CDH13: variants seen among roughly 807,000 people sequenced by gnomAD.
CDH13 encodes cadherin-13.
A neutral mutation model predicts 63.8 loss-of-function variants in CDH13; 24 were observed. The ratio of observed to expected loss-of-function variants is 0.38; its 90% CI spans 0.27 to 0.53. The LOEUF is 0.53. Ranked by LOEUF, CDH13 falls within the 20% of genes least tolerant of loss-of-function variation. CDH13 has a pLI of 0.85. For synonymous variants in CDH13, 503 were observed against 355.3 expected (o/e 1.42, Z -4.67); for missense variants, 1,049 against 903.1 (o/e 1.16, Z -2.07).
chr16:82,806,857 G>T (rs1328963550), intron 1 of CDH13, among the ~76,000 whole-genome samples: 1 of 152,114 alleles, frequency 6.6e-6, no homozygotes, highest in Admixed American at 6.6e-5. Flanking sequence ...AAACATAACT[G>T]AGAAATACAG....
At chr16:83,281,482 C>A (rs1040153161) in intron 5 of CDH13, among the ~76,000 whole-genome samples, 2 of 152,294 alleles carry the variant, frequency 1.3e-5, no homozygotes, top group East Asian at 3.9e-4. Context: ...CACTTCCTTG[C>A]CATTCATGTG....
chr16:82,944,778 A>AAGAG (rs890695141), intron 2 of CDH13, among the ~76,000 whole-genome samples: 1 of 151,598 alleles, frequency 6.6e-6, no homozygotes, highest in Admixed American at 6.6e-5. Flanking sequence ...GAGAGAGAGA[A>AAGAG]AGAGAGAGAG....
At chr16:83,215,528 A>C (rs1232059842) in intron 4 of CDH13, among the ~76,000 whole-genome samples, 1 of 148,486 alleles carries the variant, frequency 6.7e-6, no homozygotes, top group East Asian at 2.0e-4. Flanking sequence ...TAATGCCTTG[A>C]GTGATCCTGC....
At chr16:82,681,707 G>A (rs1158999643) in intron 1 of CDH13, among the ~76,000 whole-genome samples, 1 of 152,232 alleles carries the variant, frequency 6.6e-6, no homozygotes. Context: ...GCCTGCCTGT[G>A]TTTCTCTGCC....
chr16:83,779,161 C>T (rs1453637397), intron 11 of CDH13, among the ~76,000 whole-genome samples: 2 of 151,960 alleles, frequency 1.3e-5, no homozygotes, highest in African/African-American at 4.8e-5. Context: ...ATTCCCAGCA[C>T]TTTGGGAGGC....
At chr16:83,126,067 A>C (rs1436441943) in intron 4 of CDH13, among the ~76,000 whole-genome samples, 1 of 152,202 alleles carries the variant, frequency 6.6e-6, no homozygotes, top group Non-Finnish European at 1.5e-5. Context: ...TCATCAGTAC[A>C]TTCTCCCCTC....
At chr16:82,905,040 T>C (rs2041596014) in intron 2 of CDH13, among the ~76,000 whole-genome samples, 1 of 152,180 alleles carries the variant, frequency 6.6e-6, no homozygotes, top group Non-Finnish European at 1.5e-5. Flanking sequence ...GCAATTGGAC[T>C]CTTCCCTAGA....
At chr16:83,601,815 C>T (rs1907821676) in intron 7 of CDH13, among the ~76,000 whole-genome samples, 1 of 152,130 alleles carries the variant, frequency 6.6e-6, no homozygotes, top group Non-Finnish European at 1.5e-5. Flanking sequence ...AACGTAGGGG[C>T]CGGGCGTGGT....
At chr16:83,618,805 A>C (rs894852332) in intron 8 of CDH13, among the ~76,000 whole-genome samples, 4 of 152,006 alleles carry the variant, frequency 2.6e-5, no homozygotes, top group Admixed American at 2.0e-4. Flanking sequence ...GTTAGAGTGG[A>C]GACAGGTTCA....
chr16:82,824,626 C>T (rs757333629), intron 1 of CDH13: 4 of 152,050 alleles, frequency 2.6e-5, no homozygotes, highest in Non-Finnish European at 4.4e-5. Flanking sequence ...AGTGGACAGG[C>T]GAACATGTTA....
chr16:83,015,677 G>GTGTGTGTATA (rs1280924836), intron 2 of CDH13, among the ~76,000 whole-genome samples: 6 of 37,562 alleles, frequency 1.6e-4, no homozygotes, highest in African/African-American at 5.2e-4. Context: ...GTGTGTGTAT[G>GTGTGTGTATA]TATATATATA....
At chr16:83,037,517 A>G (rs780411497) in intron 3 of CDH13, among the ~76,000 whole-genome samples, 1 of 152,328 alleles carries the variant, frequency 6.6e-6, no homozygotes, top group East Asian at 1.9e-4. Flanking sequence ...AAGAGCCAGG[A>G]TCCCGTATCT....
intron 8 of CDH13, among the ~76,000 whole-genome samples, chr16:83,647,787 G>A (rs1911974856): frequency 6.6e-6 from 1 of 152,170 alleles, no homozygotes; most frequent in Admixed American, 6.5e-5. Context: ...AGTGGTGCTG[G>A]TAGGACCAAA....
chr16:83,030,401 G>A (rs537939681), intron 2 of CDH13, among the ~76,000 whole-genome samples: 2 of 152,178 alleles, frequency 1.3e-5, no homozygotes, highest in East Asian at 3.9e-4. Flanking sequence ...GCTCACGCCT[G>A]TAATCCCAGT....
chr16:83,379,919 G>GTGTGTATATATA (rs1555538670), intron 6 of CDH13, among the ~76,000 whole-genome samples: 27 of 126,444 alleles, frequency 2.1e-4, no homozygotes, highest in Non-Finnish European at 3.4e-4. Flanking sequence ...ATGTGTGTGT[G>GTGTGTATATATA]TATATATATA....
chr16:83,171,369 C>T (rs189443532), intron 4 of CDH13, among the ~76,000 whole-genome samples: 27 of 152,242 alleles, frequency 1.8e-4, no homozygotes, highest in Admixed American at 3.9e-4. Flanking sequence ...ATGATCCAGT[C>T]ACCTGCCACC....
chr16:83,511,465 A>T (rs549144581), intron 7 of CDH13, among the ~76,000 whole-genome samples: 1 of 151,200 alleles, frequency 6.6e-6, no homozygotes, highest in East Asian at 1.9e-4. Flanking sequence ...CCATCTCAAA[A>T]AAAAAAAAAA....
chr16:82,705,339 C>T (rs1342963764), intron 1 of CDH13: 2 of 354,818 alleles, frequency 5.6e-6, no homozygotes, highest in Non-Finnish European at 1.1e-5. Context: ...GCAAGGGATG[C>T]CCAGAGATAT....
intron 1 of CDH13, among the ~76,000 whole-genome samples, chr16:82,670,017 G>T (rs971919440): frequency 6.6e-6 from 1 of 152,244 alleles, no homozygotes; most frequent in Non-Finnish European, 1.5e-5. Flanking sequence ...CCTGCCTCAA[G>T]GAGCAGATAC....
Sources: allele counts gnomAD v4.1 joint callset (sites outside exome capture counted in the v4.1 genomes callset), GRCh38; gene constraint gnomAD v4.1.1; transcripts MANE v1.5; gene names NCBI Gene and HGNC (gene_info 2026-07-23, HGNC 2026-07-21).